Variants in NTM observed in about 807,000 individuals in gnomAD.
NTM encodes the protein neurotrimin, also known as IgLON family member 2.
A neutral mutation model predicts 42.1 loss-of-function variants in NTM; 13 were observed. The observed-to-expected ratio is 0.31, with a 90% CI of 0.20 to 0.49. The LOEUF (loss-of-function observed/expected upper bound fraction) is 0.49, where lower values mean the gene tolerates loss of function less well. NTM is among the 20% of genes least tolerant of loss of function. The pLI is 0.99. For missense variants in NTM, 373 were observed against 452.8 expected, an observed-to-expected ratio of 0.82 and a Z score of 1.60; for synonymous variants, 187 against 179.2, an observed-to-expected ratio of 1.04 and a Z score of -0.35.
chr11:131,737,291 G>A lies in NTM; in HGVS notation c.83-174273G>A, dbSNP rs192623657. Among the ~76,000 whole-genome samples, 81 of 152,270 alleles carry A rather than the reference G, an allele frequency of 5.3e-4. 2 individuals are homozygous for A. Among genetic ancestry groups the A allele is most frequent in the South Asian group, 1.5e-3 (7 of 4,822 alleles). On this transcript the variant is annotated intron_variant, in intron 1 of 8. Transcript: ENST00000683400. ...TGATTCCAAGTGAATTGGAAGGGTC[G>A]AAGCAGAGCCACAGATGCAGGGATG...
At chr11:131,525,144 CAT>C (rs752891334) in intron 1 of NTM, among the ~76,000 whole-genome samples, 15 of 152,232 alleles carry the variant, frequency 9.9e-5, no homozygotes, top group Non-Finnish European at 1.6e-4. Flanking sequence ...GGGGAAGGGA[CAT>C]GGCCCCAGAG....
At chr11:132,195,244 G>A (rs1422177189) in intron 3 of NTM, among the ~76,000 whole-genome samples, 3 of 151,950 alleles carry the variant, frequency 2.0e-5, no homozygotes, top group South Asian at 4.2e-4. Context: ...AACCAAGAAG[G>A]TAAAAAATCT....
intron 1 of NTM, among the ~76,000 whole-genome samples, chr11:131,506,058 G>C (rs1373340557): frequency 1.3e-5 from 2 of 152,084 alleles, no homozygotes; most frequent in Non-Finnish European, 2.9e-5. Flanking sequence ...AATGGAGTTA[G>C]GATGAGGGGG....
In NTM at chr11:132,073,719, C is replaced by T. The variant is rs58966577; in HGVS notation, c.168-72563C>T. On this transcript the variant is annotated intron_variant, in intron 2 of 8. Coordinates refer to ENST00000683400, the MANE Select transcript of NTM (RefSeq NM_001352005.2). ...CAGGAGTCCAGGTTCCTGTGTGGCCCAAGGTTGCATTCGGAGGTCAGAGTA... is the reference window on the plus strand; with the variant it reads ...CAGGAGTCCAGGTTCCTGTGTGGCCTAAGGTTGCATTCGGAGGTCAGAGTA... 4.5e-3 allele frequency among the ~76,000 whole-genome samples: 689 copies of T among 152,250 alleles called. 1 individual carries two copies. The highest frequency in any genetic ancestry group is 0.016 in the African/African-American group (662 of 41,518).
At chr11:131,613,616 A>T (rs1005630266) in intron 1 of NTM, among the ~76,000 whole-genome samples, 8 of 152,126 alleles carry the variant, frequency 5.3e-5, no homozygotes, top group Non-Finnish European at 1.2e-4. Flanking sequence ...GACTAATTCC[A>T]GCTTCTGCTG....
chr11:131,536,353 G>A (rs938891305), intron 1 of NTM: 2 of 152,240 alleles, frequency 1.3e-5, no homozygotes, highest in Non-Finnish European at 2.9e-5. Context: ...GCGATTATTT[G>A]TGGAGCACGC....
At chr11:132,278,540 A>T (rs960376629) in intron 4 of NTM, among the ~76,000 whole-genome samples, 2 of 152,138 alleles carry the variant, frequency 1.3e-5, no homozygotes, top group Non-Finnish European at 2.9e-5. Context: ...ACTACATTGC[A>T]GCCCCACCCA....
At chr11:132,146,000 C>T (rs2070326653) in intron 2 of NTM, among the ~76,000 whole-genome samples, 1 of 152,170 alleles carries the variant, frequency 6.6e-6, no homozygotes, top group Non-Finnish European at 1.5e-5. Context: ...AAGTATCCAG[C>T]CATCCTGGGC....
intron 1 of NTM, among the ~76,000 whole-genome samples, chr11:131,841,268 T>G (rs1262786177): frequency 6.6e-6 from 1 of 152,222 alleles, no homozygotes; most frequent in African/African-American, 2.4e-5. Context: ...CAAGTGTTGT[T>G]GCCAAATATA....
chr11:131,771,121 A>G (rs1292121586), intron 1 of NTM: 1 of 152,202 alleles, frequency 6.6e-6, no homozygotes, highest in Non-Finnish European at 1.5e-5. Flanking sequence ...CTTATAAAAA[A>G]AAAGTTCGGC....
chr11:131,461,408 A>G lies in NTM; in HGVS notation c.82+90520A>G, dbSNP rs1287889340. Among the ~76,000 whole-genome samples the G allele has an allele frequency of 5.3e-5, 8 of 152,332 alleles. No homozygotes were observed. The East Asian group carries it at 1.2e-3, about 22-fold the overall frequency. On this transcript the variant is annotated intron_variant, in intron 1 of 8. Coordinates refer to ENST00000683400, the MANE Select transcript of NTM (RefSeq NM_001352005.2). ...ATTTAACAATTTTGAGTTGGTGAAA[A>G]GAAAATTAAAAGACAGCTAAAGAAA... is the stretch of plus-strand genomic sequence containing the variant.
intron 2 of NTM, among the ~76,000 whole-genome samples, chr11:132,129,569 A>T (rs910100518): frequency 2.6e-5 from 4 of 152,214 alleles, no homozygotes; most frequent in African/African-American, 9.6e-5. Context: ...TGGGTTTTTC[A>T]TGCCTACCTA....
At chr11:132,174,510 G>C (rs1592013917) in intron 3 of NTM, among the ~76,000 whole-genome samples, 2 of 152,160 alleles carry the variant, frequency 1.3e-5, no homozygotes, top group East Asian at 3.9e-4. Flanking sequence ...CAGTATGCTG[G>C]GTGAGGAGCG....
At chr11:131,813,169 G>A (rs779850867) in intron 1 of NTM, among the ~76,000 whole-genome samples, 1 of 152,110 alleles carries the variant, frequency 6.6e-6, no homozygotes, top group Non-Finnish European at 1.5e-5. Context: ...TAAGTGCTGA[G>A]GACTTACCAA....
chr11:131,730,979 A>G (rs1425494237), intron 1 of NTM, among the ~76,000 whole-genome samples: 2 of 152,356 alleles, frequency 1.3e-5, no homozygotes, highest in South Asian at 2.1e-4. Flanking sequence ...CTGTTGCCCA[A>G]TGCTTCAGTG....
chr11:132,293,250 G>A (rs1486088558), intron 4 of NTM, among the ~76,000 whole-genome samples: 1 of 152,160 alleles, frequency 6.6e-6, no homozygotes, highest in African/African-American at 2.4e-5. Flanking sequence ...CCTTAAAGAT[G>A]TAAGGTTTGA....
At chr11:132,067,082 G>A (rs2056621659) in intron 2 of NTM, among the ~76,000 whole-genome samples, 2 of 152,126 alleles carry the variant, frequency 1.3e-5, no homozygotes, top group African/African-American at 2.4e-5. Flanking sequence ...GGCCTCTTAA[G>A]TAGCTGGAAC....
At chr11:132,053,817 T>A (rs993220478) in intron 2 of NTM, among the ~76,000 whole-genome samples, 49 of 152,234 alleles carry the variant, frequency 3.2e-4, no homozygotes, top group African/African-American at 1.1e-3. Context: ...TTGTGCTGAT[T>A]ACCCTAATTG....
At chr11:131,826,480 G>A (rs907184344) in intron 1 of NTM, among the ~76,000 whole-genome samples, 2 of 151,880 alleles carry the variant, frequency 1.3e-5, no homozygotes, top group African/African-American at 4.8e-5. Context: ...AGAGAACACA[G>A]AGCCAAGGTT....
Sources: gnomAD v4.1 joint callset for allele counts (sites outside exome capture counted in the v4.1 genomes callset) on GRCh38, gnomAD v4.1.1 for gene constraint, MANE v1.5 for transcripts, NCBI Gene and HGNC (gene_info 2026-07-23, HGNC 2026-07-21) for gene names.